Variants in FER1L6 observed in about 807,000 individuals in gnomAD.
FER1L6 encodes the protein fer-1 like family member 6.
Under a neutral mutation model 219.2 loss-of-function variants are expected in FER1L6, and 177 were observed. That is an observed-to-expected ratio of 0.81 (90% CI 0.71 to 0.91). The LOEUF (loss-of-function observed/expected upper bound fraction) is 0.91. FER1L6 is among the 40% of genes least tolerant of loss of function. The pLI is 0.00. For missense variants in FER1L6, 2,153 were observed against 2,259.9 expected (o/e 0.95, Z 0.96); for synonymous variants, 768 against 824.3 (o/e 0.93, Z 1.17).
chr8:124,016,542 G>A (rs1818207819), intron 15 of FER1L6, among the ~76,000 whole-genome samples: 1 of 152,076 alleles, frequency 6.6e-6, no homozygotes, highest in African/African-American at 2.4e-5. Context: ...AGTGAGAAGA[G>A]TTTGATTTGT....
At chr8:123,943,104 T>C (rs1278256528) in intron 1 of FER1L6, among the ~76,000 whole-genome samples, 2 of 152,236 alleles carry the variant, frequency 1.3e-5, no homozygotes, top group African/African-American at 4.8e-5. Context: ...CAATACTGCC[T>C]TTGAAGACTG....
At chr8:123,952,135 A>G (rs1243201205) in intron 1 of FER1L6, among the ~76,000 whole-genome samples, 1 of 151,290 alleles carries the variant, frequency 6.6e-6, no homozygotes, top group African/African-American at 2.4e-5. Flanking sequence ...AAGGTCATCT[A>G]TGTAACATCC....
Position 123,963,378 on chromosome 8 carries a change from C to T in FER1L6, c.177C>T (p.Pro59=), listed in dbSNP as rs1302006236. 1.2e-5 allele frequency: 20 copies of T among 1,613,994 alleles called. No individual in the cohort carries two copies. The highest frequency in any genetic ancestry group is 1.7e-5 in the Non-Finnish European group (20 of 1,179,970). The change falls in exon 3 of 41, where the codon CCC becomes CCT. Residue 59 remains proline, a synonymous_variant. Transcript: ENST00000522917. ...VHDDASIFPV[P]SASPKRRSKL... is the part of the protein sequence containing the mutation. ...ATGATGCTTCTATCTTTCCTGTCCC[C>T]TCAGCTTCTCCAAAGAGAAGGTACA...
intron 18 of FER1L6, among the ~76,000 whole-genome samples, chr8:124,032,598 G>A (rs1027898818): frequency 2.6e-5 from 4 of 151,762 alleles, no homozygotes; most frequent in Non-Finnish European, 4.4e-5. Flanking sequence ...AAAACTATCC[G>A]GGCATGGTGG....
chr8:124,004,778 C>T (rs779940549), intron 13 of FER1L6, among the ~76,000 whole-genome samples: 3 of 152,014 alleles, frequency 2.0e-5, no homozygotes, highest in South Asian at 2.1e-4. Flanking sequence ...GCGGGTGGAT[C>T]GCGAGGTCAG....
rs188086026 is a variant in FER1L6, at chr8:123,994,654, C to T, written c.1519+8478C>T. 3.9e-5 allele frequency among the ~76,000 whole-genome samples: 6 copies of T among 152,294 alleles called. No homozygotes were observed. In the South Asian group the frequency reaches 1.0e-3, roughly 26 times the overall value. On this transcript the variant is annotated intron_variant, in intron 12 of 40. Coordinates refer to ENST00000522917, the MANE Select transcript of FER1L6 (RefSeq NM_001039112.2). ...CACACCTCCCAGTTCACCCGCAAAA[C>T]CCAGGCTCCCAGCTCTAGCACTTGT...
In FER1L6 at chr8:124,017,519, G is replaced by T. The variant is rs1010494846; in HGVS notation, c.1923-109G>T. 9.3e-6 allele frequency: 7 copies of T among 755,942 alleles called. No individual in the cohort carries two copies. The African/African-American group carries it at 1.2e-4, about 13-fold the overall frequency. The allele number at this position is 755,942 out of a possible 1,614,324, so 46.8% of individuals were successfully genotyped here. On this transcript the variant is annotated intron_variant, in intron 15 of 40. Transcript: ENST00000522917. Reference sequence around the variant, plus strand: ...CTAAATTAAAAATATTGGTTTTATGGCTTCAAAAGCTTTCCACTGTATTGC... The same window carrying T: ...CTAAATTAAAAATATTGGTTTTATGTCTTCAAAAGCTTTCCACTGTATTGC...
At chr8:123,998,776 A>G (rs911901621) in intron 12 of FER1L6, among the ~76,000 whole-genome samples, 1 of 152,142 alleles carries the variant, frequency 6.6e-6, no homozygotes. Context: ...AAGTTGCAAG[A>G]CAACATTCTT....
chr8:123,887,941 G>A (rs1161809515), intron 1 of FER1L6, among the ~76,000 whole-genome samples: 1 of 152,028 alleles, frequency 6.6e-6, no homozygotes, highest in African/African-American at 2.4e-5. Flanking sequence ...AAGAAATCTG[G>A]CTAATTAACA....
chr8:123,871,230 T>C (rs1816919440), intron 1 of FER1L6, among the ~76,000 whole-genome samples: 1 of 152,196 alleles, frequency 6.6e-6, no homozygotes, highest in African/African-American at 2.4e-5. Context: ...TAGGTTAGTA[T>C]GCATAAATAT....
chr8:124,038,134 G>T (rs975480489), intron 19 of FER1L6, among the ~76,000 whole-genome samples: 1 of 152,112 alleles, frequency 6.6e-6, no homozygotes, highest in African/African-American at 2.4e-5. Flanking sequence ...AGATAAACTG[G>T]ACTACATTCT....
At chr8:123,901,540 G>GGGTTT (rs113911890) in intron 1 of FER1L6, among the ~76,000 whole-genome samples, 5 of 150,634 alleles carry the variant, frequency 3.3e-5, no homozygotes, top group Admixed American at 6.6e-5. Context: ...TGCTGGGTTT[G>GGGTTT]GGTTTGGTTT....
At chr8:123,870,817 A>C (rs964426803) in intron 1 of FER1L6, among the ~76,000 whole-genome samples, 1 of 152,210 alleles carries the variant, frequency 6.6e-6, no homozygotes, top group Admixed American at 6.5e-5. Context: ...ATAATCATGT[A>C]AGAGGTTGAA....
intron 24 of FER1L6, among the ~76,000 whole-genome samples, chr8:124,061,272 AT>A (rs1195021655): frequency 1.3e-5 from 2 of 152,122 alleles, no homozygotes; most frequent in East Asian, 3.9e-4. Context: ...TTCAGCATAC[AT>A]TTTTGTGCTT....
chr8:124,069,837 T>C lies in FER1L6; in HGVS notation c.3834+362T>C, dbSNP rs565356789. ...TAACTCCAACTAAAGTCAGCTCCATTAGGCCAATCTTAACATTAGTTAGAG... is the reference window on the plus strand; with the variant it reads ...TAACTCCAACTAAAGTCAGCTCCATCAGGCCAATCTTAACATTAGTTAGAG... On this transcript the variant is annotated intron_variant, in intron 29 of 40. Transcript: ENST00000522917. Among the ~76,000 whole-genome samples, 96 of 152,306 alleles carry C rather than the reference T, an allele frequency of 6.3e-4. 1 individual carries two copies. The highest frequency in any genetic ancestry group is 2.9e-3 in the Admixed American group (44 of 15,300).
At chr8:124,098,331 CT>C (rs1822398871) in intron 37 of FER1L6, among the ~76,000 whole-genome samples, 1 of 152,066 alleles carries the variant, frequency 6.6e-6, no homozygotes, top group Non-Finnish European at 1.5e-5. Flanking sequence ...CATTTTATAT[CT>C]CTTTTACATC....
chr8:123,972,894 A>G (rs1017150074), intron 6 of FER1L6, among the ~76,000 whole-genome samples: 2 of 152,186 alleles, frequency 1.3e-5, no homozygotes, highest in African/African-American at 4.8e-5. Flanking sequence ...GAGCATTAGC[A>G]TGAAAATGGG....
intron 1 of FER1L6, among the ~76,000 whole-genome samples, chr8:123,942,761 T>C (rs558114449): frequency 3.9e-5 from 6 of 152,246 alleles, no homozygotes; most frequent in Non-Finnish European, 7.3e-5. Flanking sequence ...CTTAATTATA[T>C]CTGCAAAGAT....
Position 123,910,728 on chromosome 8 carries a change from TG to T in FER1L6, c.-7-45262del, listed in dbSNP as rs142687091. Among the ~76,000 whole-genome samples the T allele has an allele frequency of 4.3e-3, 648 of 152,314 alleles. 3 individuals carry two copies. Among genetic ancestry groups the T allele is most frequent in the African/African-American group, 0.014 (599 of 41,572 alleles). Reference sequence around the variant, plus strand: ...GGGAGGAAAAACTGATTAAGTTAGATGGCATGCAACTGGGTATACCAAGGAG... The same window carrying T: ...GGGAGGAAAAACTGATTAAGTTAGATGCATGCAACTGGGTATACCAAGGAG... On this transcript the variant is annotated intron_variant, in intron 1 of 40. Coordinates refer to ENST00000522917, the MANE Select transcript of FER1L6 (RefSeq NM_001039112.2).
Sources: gnomAD v4.1 joint callset for allele counts (sites outside exome capture counted in the v4.1 genomes callset) on GRCh38, gnomAD v4.1.1 for gene constraint, MANE v1.5 for transcripts, NCBI Gene and HGNC (gene_info 2026-07-23, HGNC 2026-07-21) for gene names.